The following DBF4 variants were observed in gnomAD, a reference collection of about 807,000 sequenced individuals.
DBF4 encodes the protein protein DBF4 homolog A.
A neutral mutation model predicts 76.6 loss-of-function variants in DBF4; 25 were observed. The observed-to-expected ratio is 0.33, with a 90% CI of 0.24 to 0.46. The LOEUF (loss-of-function observed/expected upper bound fraction) is 0.46, where lower values mean the gene tolerates loss of function less well. DBF4 is among the 20% of genes least tolerant of loss of function. The pLI, the probability that DBF4 is intolerant of heterozygous loss-of-function variation, is 1.00. For missense variants in DBF4, 638 were observed against 760.8 expected, an observed-to-expected ratio of 0.84 and a Z score of 1.90; for synonymous variants, 213 against 258.0, an observed-to-expected ratio of 0.83 and a Z score of 1.67.
Position 87,876,622 on chromosome 7 carries a change from C to T in DBF4, c.-111C>T, listed in dbSNP as rs1044579947. The T allele has an allele frequency of 3.1e-5, 38 of 1,237,672 alleles. No homozygotes were observed. The highest frequency in any genetic ancestry group is 4.0e-5 in the Non-Finnish European group (34 of 859,314). 76.7% of individuals were successfully genotyped at this position (1,237,672 alleles called of 1,614,324 possible). A position where few individuals can be genotyped will look rare whatever the true frequency, so the allele number is the denominator to read the frequency against. Reference sequence around the variant, plus strand: ...TCTACTGCGTAGAGGCCGTAGCTGGCGGAAGGAGAGAGGCGGCCGTCCTGT... The same window carrying T: ...TCTACTGCGTAGAGGCCGTAGCTGGTGGAAGGAGAGAGGCGGCCGTCCTGT... On this transcript the variant is annotated 5_prime_UTR_variant, in exon 1 of 12. Coordinates refer to ENST00000265728, the MANE Select transcript of DBF4 (RefSeq NM_006716.4).
chr7:87,901,607 T>C (rs1021529246), intron 10 of DBF4, among the ~76,000 whole-genome samples: 13 of 152,096 alleles, frequency 8.5e-5, no homozygotes, highest in African/African-American at 3.1e-4. Context: ...GTAAAGACCA[T>C]TGAGGTAGCA....
chr7:87,892,353 T>C (rs1033568931), intron 6 of DBF4, among the ~76,000 whole-genome samples: 3 of 152,210 alleles, frequency 2.0e-5, no homozygotes, highest in African/African-American at 7.2e-5. Context: ...GTGTTTCCTT[T>C]TTTGATTGGC....
chr7:87,895,713 T>C (rs1257447868), intron 6 of DBF4, among the ~76,000 whole-genome samples: 2 of 152,220 alleles, frequency 1.3e-5, no homozygotes. Context: ...CATGGATCAA[T>C]CTCCAGCTTG....
rs1319988380 is a variant in DBF4, at chr7:87,885,670, A to G, written c.399+512A>G. Among the ~76,000 whole-genome samples the G allele has an allele frequency of 3.3e-5, 5 of 152,340 alleles. No homozygotes were observed. In the East Asian group the frequency reaches 7.7e-4, roughly 23 times the overall value. On this transcript the variant is annotated intron_variant, in intron 3 of 11. Transcript: ENST00000265728. ...CATAATGTTTTATTGGAACACAGCCATACCTGTTTGTTTAGGTATAATCTG... is the reference window on the plus strand; with the variant it reads ...CATAATGTTTTATTGGAACACAGCCGTACCTGTTTGTTTAGGTATAATCTG...
intron 6 of DBF4, chr7:87,888,439 A>G (rs1480704359): frequency 1.7e-6 from 1 of 594,098 alleles, no homozygotes. Context: ...TGGTATAACA[A>G]AATCTCGTTT....
At chr7:87,903,938 C>G (rs527826869) in intron 10 of DBF4, among the ~76,000 whole-genome samples, 32 of 152,176 alleles carry the variant, frequency 2.1e-4, no homozygotes, top group Non-Finnish European at 3.4e-4. Flanking sequence ...TCGGGTGATC[C>G]GCCCACCTCG....
At chr7:87,885,800 G>GC (rs747142180) in intron 3 of DBF4, among the ~76,000 whole-genome samples, 3 of 152,140 alleles carry the variant, frequency 2.0e-5, no homozygotes, top group Non-Finnish European at 2.9e-5. Flanking sequence ...AAGGTTGCCA[G>GC]CCCCTATTCT....
chr7:87,896,591 C>G lies in DBF4; in HGVS notation c.634+81C>G, dbSNP rs1244438954. On this transcript the variant is annotated intron_variant, in intron 7 of 11. Transcript: ENST00000265728. ...GATCTTCTAAAATCATATAAACCAC[C>G]CTCTAAATGATTTATTCAAGGCTTT... The G allele has an allele frequency of 4.1e-6, 5 of 1,225,450 alleles. No individual in the cohort carries two copies. The South Asian group carries it at 5.2e-5, about 13-fold the overall frequency. 75.9% of individuals were successfully genotyped at this position (1,225,450 alleles called of 1,614,324 possible). A position where few individuals can be genotyped will look rare whatever the true frequency, so the allele number is the denominator to read the frequency against.
At position 87,907,388 on chromosome 7, in the gene DBF4, C is replaced by G. The variant is rs775030398; in HGVS notation, c.1250C>G (p.Pro417Arg). 1.7e-5 allele frequency: 27 copies of G among 1,613,886 alleles called. No individual in the cohort carries two copies. In the South Asian group the frequency reaches 2.7e-4, roughly 16 times the overall value. ...CTCCTGTTTATTTCAGAGCCCATCC[C>G]CCACCCTTCAAATGAATTGAGAGGG... ...KKLLFISEPI[P>R]HPSNELRGLN... The change falls in exon 12 of 12, where the codon CCC becomes CGC. Residue 417 changes from proline (P) to arginine (R), a missense_variant. Pro to Arg is a moderately radical substitution (Grantham distance 103). Transcript: ENST00000265728.
chr7:87,883,351 A>C (rs1839263400), intron 2 of DBF4, among the ~76,000 whole-genome samples: 2 of 152,168 alleles, frequency 1.3e-5, no homozygotes, highest in African/African-American at 4.8e-5. Context: ...ATGTTTTAGT[A>C]GTGATGGTTG....
intron 11 of DBF4, among the ~76,000 whole-genome samples, chr7:87,906,063 C>T (rs1372327559): frequency 5.9e-5 from 9 of 151,640 alleles, no homozygotes; most frequent in Admixed American, 1.3e-4. Context: ...GAGGCTGAGG[C>T]GCAAGAATCA....
At chr7:87,876,979 C>G (rs1383116925) in intron 1 of DBF4, among the ~76,000 whole-genome samples, 2 of 152,202 alleles carry the variant, frequency 1.3e-5, no homozygotes, top group African/African-American at 4.8e-5. Flanking sequence ...AGCGCTCTGC[C>G]GTTTACAGCG....
chr7:87,906,471 C>T (rs576352697), intron 11 of DBF4, among the ~76,000 whole-genome samples: 68 of 152,066 alleles, frequency 4.5e-4, no homozygotes, highest in South Asian at 2.1e-4. Context: ...CTGTGACATG[C>T]GGAACACAAA....
chr7:87,881,406 C>G (rs914792917), intron 2 of DBF4, among the ~76,000 whole-genome samples: 1 of 152,102 alleles, frequency 6.6e-6, no homozygotes, highest in Non-Finnish European at 1.5e-5. Context: ...GACTGTGTCT[C>G]AAAAGAAAAA....
intron 10 of DBF4, among the ~76,000 whole-genome samples, chr7:87,902,160 G>A (rs1191053379): frequency 6.6e-6 from 1 of 152,166 alleles, no homozygotes; most frequent in Non-Finnish European, 1.5e-5. Flanking sequence ...TTGGTTCTCA[G>A]AAAATGTCGA....
At chr7:87,893,933 CTT>C (rs905286385) in intron 6 of DBF4, among the ~76,000 whole-genome samples, 1 of 152,082 alleles carries the variant, frequency 6.6e-6, no homozygotes, top group African/African-American at 2.4e-5. Flanking sequence ...TTTTAACTCT[CTT>C]CATTTTTGTT....
intron 7 of DBF4, 119 bp from the exon 8 acceptor site, chr7:87,897,175 C>T (rs1839662116): frequency 1.1e-6 from 1 of 911,382 alleles, no homozygotes; most frequent in Non-Finnish European, 1.7e-6. Flanking sequence ...AGGCTTAAAA[C>T]TTTAAAGTGG....
At chr7:87,885,555 A>G (rs886506491) in intron 3 of DBF4, among the ~76,000 whole-genome samples, 3 of 152,222 alleles carry the variant, frequency 2.0e-5, no homozygotes, top group Non-Finnish European at 4.4e-5. Flanking sequence ...CAGGTTAAGC[A>G]TGGTTTTTAC....
Position 87,907,859 on chromosome 7 carries a change from T to C in DBF4, c.1721T>C (p.Ile574Thr). Reference sequence around the variant, plus strand: ...ATGGATAGTTTACCTTCTGGTAAAATACATCGAAAAGTGAAAATAATATTA... The same window carrying C: ...ATGGATAGTTTACCTTCTGGTAAAACACATCGAAAAGTGAAAATAATATTA... ...KNMDSLPSGK[I>T]HRKVKIILGR... The change falls in exon 12 of 12, where the codon ATA becomes ACA. Residue 574 changes from isoleucine (I) to threonine (T), a missense_variant. By Grantham distance (89) the Ile-to-Thr change is moderately conservative. Coordinates refer to ENST00000265728, the MANE Select transcript of DBF4 (RefSeq NM_006716.4). The C allele has an allele frequency of 6.2e-7, 1 of 1,613,718 alleles. No homozygotes were observed. The highest frequency in any genetic ancestry group is 8.5e-7 in the Non-Finnish European group (1 of 1,179,914).
Sources: allele counts gnomAD v4.1 joint callset (sites outside exome capture counted in the v4.1 genomes callset), GRCh38; gene constraint gnomAD v4.1.1; transcripts MANE v1.5; gene names NCBI Gene and HGNC (gene_info 2026-07-23, HGNC 2026-07-21).